The following ZEB1 variants were observed in gnomAD, a reference collection of about 807,000 sequenced individuals.
The protein encoded by ZEB1 is zinc finger E-box-binding homeobox 1.
Under a neutral mutation model 84.9 loss-of-function variants are expected in ZEB1, and 21 were observed. The observed-to-expected ratio is 0.25, with a 90% CI of 0.18 to 0.36. The LOEUF (loss-of-function observed/expected upper bound fraction) is 0.36. Ranked by LOEUF, ZEB1 falls within the 10% of genes least tolerant of loss-of-function variation. The pLI, the probability that ZEB1 is intolerant of heterozygous loss-of-function variation, is 1.00. For missense variants in ZEB1, 1,104 were observed against 1,330.2 expected (o/e 0.83, Z 2.65); for synonymous variants, 420 against 471.1 (o/e 0.89, Z 1.41).
chr10:31,383,056 A>G (rs1254115876), intron 1 of ZEB1, among the ~76,000 whole-genome samples: 1 of 151,858 alleles, frequency 6.6e-6, no homozygotes, highest in Non-Finnish European at 1.5e-5. Context: ...AAATTTCATA[A>G]TAACATATTA....
chr10:31,408,901 T>G (rs1445861183), intron 1 of ZEB1, among the ~76,000 whole-genome samples: 1 of 149,988 alleles, frequency 6.7e-6, no homozygotes, highest in Non-Finnish European at 1.5e-5. Flanking sequence ...AAATGGGATC[T>G]AATTAAACTA....
chr10:31,376,326 A>G (rs1453475091), intron 1 of ZEB1, among the ~76,000 whole-genome samples: 3 of 151,892 alleles, frequency 2.0e-5, no homozygotes, highest in Middle Eastern at 3.4e-3. Context: ...CATACTCCTC[A>G]TGAAATGAGG....
chr10:31,421,739 T>C (rs2056197236), intron 1 of ZEB1, among the ~76,000 whole-genome samples: 4 of 152,164 alleles, frequency 2.6e-5, no homozygotes, highest in Admixed American at 2.6e-4. Flanking sequence ...TGGATTGAAG[T>C]TGTTTCTGTC....
intron 2 of ZEB1, among the ~76,000 whole-genome samples, chr10:31,477,296 T>A (rs1376356828): frequency 2.0e-5 from 3 of 151,938 alleles, no homozygotes; most frequent in Non-Finnish European, 2.9e-5. Context: ...CCATTTACAG[T>A]AGTCACACAC....
chr10:31,483,496 G>A (rs146944576), intron 2 of ZEB1, among the ~76,000 whole-genome samples: 1 of 152,138 alleles, frequency 6.6e-6, no homozygotes, highest in Non-Finnish European at 1.5e-5. Context: ...GAGCAGTGCA[G>A]AGGTAATTCT....
At chr10:31,477,359 A>AT (rs1478754943) in intron 2 of ZEB1, among the ~76,000 whole-genome samples, 1 of 151,952 alleles carries the variant, frequency 6.6e-6, no homozygotes, top group Non-Finnish European at 1.5e-5. Context: ...AGTTCTCTAC[A>AT]GGAAGATTAC....
At chr10:31,525,484 C>T (rs2073251604) in intron 8 of ZEB1, among the ~76,000 whole-genome samples, 2 of 152,166 alleles carry the variant, frequency 1.3e-5, no homozygotes, top group Non-Finnish European at 2.9e-5. Context: ...GCAGTAGACT[C>T]TCTCCAGCCA....
At chr10:31,335,550 C>T (rs183320748) in intron 1 of ZEB1, among the ~76,000 whole-genome samples, 1 of 152,132 alleles carries the variant, frequency 6.6e-6, no homozygotes, top group Non-Finnish European at 1.5e-5. Context: ...ATCATGTGAG[C>T]ATCTCAATAG....
intron 2 of ZEB1, among the ~76,000 whole-genome samples, chr10:31,481,671 CTAAA>C (rs879651221): frequency 1.3e-5 from 2 of 151,700 alleles, no homozygotes; most frequent in African/African-American, 4.8e-5. Flanking sequence ...AAATGAATGA[CTAAA>C]TGAATGAATG....
chr10:31,345,973 T>G (rs1039642697), intron 1 of ZEB1, among the ~76,000 whole-genome samples: 1 of 152,152 alleles, frequency 6.6e-6, no homozygotes, highest in Non-Finnish European at 1.5e-5. Context: ...ATCCATCTGG[T>G]CTGGTTCATT....
chr10:31,492,688 T>A (rs2066696976), intron 2 of ZEB1, among the ~76,000 whole-genome samples: 1 of 151,860 alleles, frequency 6.6e-6, no homozygotes, highest in Non-Finnish European at 1.5e-5. Flanking sequence ...AACACATGGG[T>A]GTGAATTTCA....
chr10:31,421,405 C>A (rs550724471), intron 1 of ZEB1, among the ~76,000 whole-genome samples: 1 of 152,106 alleles, frequency 6.6e-6, no homozygotes, highest in Non-Finnish European at 1.5e-5. Flanking sequence ...TACATTCTTA[C>A]AATTTAAGTG....
At chr10:31,454,136 T>C (rs1332624318) in intron 1 of ZEB1, among the ~76,000 whole-genome samples, 1 of 152,160 alleles carries the variant, frequency 6.6e-6, no homozygotes, top group East Asian at 1.9e-4. Flanking sequence ...ATCCATTGTA[T>C]AAATGGAACA....
intron 1 of ZEB1, among the ~76,000 whole-genome samples, chr10:31,345,908 A>G (rs2040223502): frequency 6.6e-6 from 1 of 152,188 alleles, no homozygotes. Flanking sequence ...AAAGATTTTT[A>G]AAAGTCTCAG....
chr10:31,461,315 T>C lies in ZEB1; in HGVS notation c.259+78T>C, dbSNP rs2061788119. ...ATATATATTAACTGAAAAGATAAAT[T>C]GGATGAAAAGTTTGAAATCAATAGT... On this transcript the variant is annotated intron_variant, in intron 2 of 8. Transcript: ENST00000424869. The C allele has an allele frequency of 2.8e-6, 4 of 1,436,442 alleles. No homozygotes were observed. The Admixed American group carries it at 8.1e-5, about 29-fold the overall frequency. 89.0% of individuals were successfully genotyped at this position (1,436,442 alleles called of 1,614,324 possible). A position where few individuals can be genotyped will look rare whatever the true frequency, so the allele number is the denominator to read the frequency against.
rs571272065 is a variant in ZEB1, at chr10:31,527,406, A to G, written c.*142A>G. On this transcript the variant is annotated 3_prime_UTR_variant, in exon 9 of 9. Transcript: ENST00000424869. ...AAAGTAAAAACTAAAAAAATACAAA[A>G]TACAAAACACACACACACACACACA... The G allele has an allele frequency of 2.3e-4, 206 of 915,228 alleles. No individual in the cohort carries two copies. Among genetic ancestry groups the G allele is most frequent in the Admixed American group, 3.9e-4 (16 of 40,672 alleles). The allele number at this position is 915,228 out of a possible 1,614,324, so 56.7% of individuals were successfully genotyped here.
intron 2 of ZEB1, among the ~76,000 whole-genome samples, chr10:31,469,826 G>T (rs2062957776): frequency 6.6e-6 from 1 of 152,208 alleles, no homozygotes; most frequent in Non-Finnish European, 1.5e-5. Flanking sequence ...TGACAGCTTT[G>T]AAGAGAGCAG....
chr10:31,340,384 A>G (rs1250341317), intron 1 of ZEB1, among the ~76,000 whole-genome samples: 2 of 152,200 alleles, frequency 1.3e-5, no homozygotes, highest in Admixed American at 1.3e-4. Context: ...GCAATATAGA[A>G]ATCTGTTTTT....
intron 4 of ZEB1, among the ~76,000 whole-genome samples, chr10:31,504,761 T>C (rs1565148925): frequency 6.6e-6 from 1 of 152,100 alleles, no homozygotes; most frequent in Non-Finnish European, 1.5e-5. Context: ...TCTAGTTCAT[T>C]ATTGGTGTAC....
Sources: gnomAD v4.1 joint callset for allele counts (sites outside exome capture counted in the v4.1 genomes callset) on GRCh38, gnomAD v4.1.1 for gene constraint, MANE v1.5 for transcripts, NCBI Gene and HGNC (gene_info 2026-07-23, HGNC 2026-07-21) for gene names.